ZBTB38: variants seen among roughly 807,000 people sequenced by gnomAD.
The protein encoded by ZBTB38 is zinc finger and BTB domain containing 38, also known as zinc finger and BTB domain-containing protein 38.
Under a neutral mutation model 76.8 loss-of-function variants are expected in ZBTB38, and 20 were observed. The ratio of observed to expected loss-of-function variants is 0.26; its 90% CI spans 0.18 to 0.38. The LOEUF (loss-of-function observed/expected upper bound fraction) is 0.38, where lower values mean the gene tolerates loss of function less well. Among genes scored for constraint, ZBTB38 ranks in the 10% least tolerant of loss-of-function variants. The probability of loss-of-function intolerance (pLI) is 1.00; values close to 1 mark genes in which losing one functional copy is unlikely to be tolerated. For synonymous variants in ZBTB38, 504 were observed against 544.2 expected (o/e 0.93, Z 1.03); for missense variants, 1,082 against 1,482.3 (o/e 0.73, Z 4.43).
intron 5 of ZBTB38, chr3:141,432,234 A>G: frequency 1.0e-6 from 1 of 985,474 alleles, no homozygotes; most frequent in Non-Finnish European, 1.2e-6. Context: ...TGACTTTTGC[A>G]GGATTCCAGG....
At chr3:141,407,701 A>T (rs1260318293) in intron 5 of ZBTB38, among the ~76,000 whole-genome samples, 1 of 152,262 alleles carries the variant, frequency 6.6e-6, no homozygotes, top group Non-Finnish European at 1.5e-5. Context: ...TCTGCATTTT[A>T]AACAGCACTG....
In ZBTB38 at chr3:141,428,390, T is replaced by C. The variant is rs1667372473; in HGVS notation, c.1-13999T>C. On this transcript the variant is annotated intron_variant, in intron 5 of 5. Transcript: ENST00000321464. ...TGTGAGGCAAGTCACTTCTCCAGGCTCAGTTACCACATCTGTACTATGAGC... is the reference window on the plus strand; with the variant it reads ...TGTGAGGCAAGTCACTTCTCCAGGCCCAGTTACCACATCTGTACTATGAGC... Among the ~76,000 whole-genome samples, 3 of 152,222 alleles carry C rather than the reference T, an allele frequency of 2.0e-5. No homozygotes were observed. The South Asian group carries it at 6.2e-4, about 31-fold the overall frequency.
chr3:141,392,572 G>A (rs1949215600), intron 4 of ZBTB38: 1 of 152,148 alleles, frequency 6.6e-6, no homozygotes, highest in South Asian at 2.1e-4. Context: ...TGATGACAAG[G>A]ACAGTTCTTC....
intron 5 of ZBTB38, among the ~76,000 whole-genome samples, chr3:141,428,428 C>CT (rs1443130782): frequency 6.6e-6 from 1 of 152,174 alleles, no homozygotes; most frequent in African/African-American, 2.4e-5. Context: ...GTTAATAATA[C>CT]TAGCTTCCAT....
intron 1 of ZBTB38, among the ~76,000 whole-genome samples, chr3:141,347,332 A>G (rs1256671916): frequency 6.6e-6 from 1 of 152,216 alleles, no homozygotes; most frequent in Non-Finnish European, 1.5e-5. Flanking sequence ...TTTATGGCTC[A>G]TTTGAACCTG....
intron 1 of ZBTB38, among the ~76,000 whole-genome samples, chr3:141,355,967 A>G (rs372430466): frequency 2.6e-5 from 4 of 152,162 alleles, no homozygotes; most frequent in African/African-American, 9.7e-5. Context: ...AAATTCCCTT[A>G]TCATGCTTTT....
chr3:141,426,305 C>A, intron 5 of ZBTB38: 1 of 695,674 alleles, frequency 1.4e-6, no homozygotes, highest in Non-Finnish European at 2.2e-6. Flanking sequence ...TCAGTGATAT[C>A]ATTGATCTCA....
At chr3:141,382,683 C>T (rs1430215413) in intron 3 of ZBTB38, among the ~76,000 whole-genome samples, 2 of 152,132 alleles carry the variant, frequency 1.3e-5, no homozygotes, top group Non-Finnish European at 2.9e-5. Context: ...CAACATGGTC[C>T]ATCTGATTCC....
intron 2 of ZBTB38, among the ~76,000 whole-genome samples, chr3:141,378,435 T>C (rs960974674): frequency 1.3e-5 from 2 of 152,220 alleles, no homozygotes; most frequent in Non-Finnish European, 2.9e-5. Flanking sequence ...TTATTTGAAC[T>C]ATACCAGCAT....
At chr3:141,370,127 T>C (rs1944323316) in intron 2 of ZBTB38, among the ~76,000 whole-genome samples, 181 bp downstream of exon 2, 2 of 152,222 alleles carry the variant, frequency 1.3e-5, no homozygotes, top group South Asian at 4.1e-4. Context: ...CCCAAATCTA[T>C]AATGGCTCAA....
intron 4 of ZBTB38, among the ~76,000 whole-genome samples, chr3:141,401,648 C>T (rs1376522018): frequency 2.7e-5 from 4 of 148,648 alleles, no homozygotes; most frequent in Admixed American, 2.0e-4. Flanking sequence ...GAATAAGACT[C>T]TACTGTCAAA....
At chr3:141,343,272 C>T (rs973484025) in intron 1 of ZBTB38, among the ~76,000 whole-genome samples, 28 of 152,094 alleles carry the variant, frequency 1.8e-4, no homozygotes, top group African/African-American at 6.5e-4. Context: ...ACCAAGACCA[C>T]GGGAGTATTG....
At chr3:141,435,467 A>G (rs1159944459) in intron 5 of ZBTB38, among the ~76,000 whole-genome samples, 1 of 152,142 alleles carries the variant, frequency 6.6e-6, no homozygotes, top group African/African-American at 2.4e-5. Context: ...CATTTTAAAA[A>G]TATACTTTAG....
chr3:141,352,665 G>T (rs891853214), intron 1 of ZBTB38, among the ~76,000 whole-genome samples: 3 of 152,042 alleles, frequency 2.0e-5, no homozygotes, highest in Non-Finnish European at 4.4e-5. Context: ...GACAAATGGG[G>T]TAAGCCAGAG....
In ZBTB38 at chr3:141,443,161, C is replaced by T. The variant is rs142546419; in HGVS notation, c.773C>T (p.Ala258Val). Residue 258 changes from alanine to valine, a missense_variant, in exon 6 of 6, where the codon GCG becomes GTG. Ala to Val is a moderately conservative substitution (Grantham distance 64). Coordinates refer to ENST00000321464, the MANE Select transcript of ZBTB38 (RefSeq NM_001376113.1). The surrounding 1 kb of genome is among the most constrained non-coding windows in gnomAD (Gnocchi z 5.6). Reference sequence around the variant, plus strand: ...AAAGAAAATTGTGAAGCCCTTGCAGCGAAACCGAAAACATGCCGGAAGCCA... The same window carrying T: ...AAAGAAAATTGTGAAGCCCTTGCAGTGAAACCGAAAACATGCCGGAAGCCA... ...TGKENCEALA[A>V]KPKTCRKPKT... is the part of the protein sequence containing the mutation. 614 of 1,614,180 alleles carry T rather than the reference C, an allele frequency of 3.8e-4. No homozygotes were observed. Among genetic ancestry groups the T allele is most frequent in the Admixed American group, 8.2e-4 (49 of 60,028 alleles).
intron 3 of ZBTB38, among the ~76,000 whole-genome samples, chr3:141,382,305 A>G (rs1001915591): frequency 3.3e-5 from 5 of 152,350 alleles, no homozygotes; most frequent in Non-Finnish European, 7.4e-5. Flanking sequence ...TTAGAGTAGA[A>G]CACTCTAACA....
At chr3:141,402,051 C>T (rs139444224) in intron 4 of ZBTB38, among the ~76,000 whole-genome samples, 8 of 152,354 alleles carry the variant, frequency 5.3e-5, no homozygotes, top group South Asian at 4.1e-4. Context: ...GGCTCTGTGG[C>T]CCAGAGTCCT....
At chr3:141,327,035 T>C (rs1942695355) in intron 1 of ZBTB38, among the ~76,000 whole-genome samples, 1 of 152,224 alleles carries the variant, frequency 6.6e-6, no homozygotes, top group East Asian at 1.9e-4. Flanking sequence ...TGTTTGTATT[T>C]AGATACATTT....
intron 1 of ZBTB38, among the ~76,000 whole-genome samples, chr3:141,358,170 C>T (rs571973491): frequency 7.6e-4 from 115 of 152,302 alleles, no homozygotes; most frequent in African/African-American, 2.8e-3. Flanking sequence ...CACAGGAAGT[C>T]TGTTGAATTC....
Sources: allele counts gnomAD v4.1 joint callset (sites outside exome capture counted in the v4.1 genomes callset), GRCh38; gene constraint gnomAD v4.1.1; non-coding constraint Gnocchi (gnomAD v3.1); transcripts MANE v1.5; gene names NCBI Gene and HGNC (gene_info 2026-07-23, HGNC 2026-07-21).